Variants in NLRP1 observed in about 807,000 individuals in gnomAD.
NLRP1 encodes the protein NLR family pyrin domain containing 1, also known as NACHT, LRR and PYD domains-containing protein 1.
A neutral mutation model predicts 136.7 loss-of-function variants in NLRP1; 94 were observed. The observed-to-expected ratio is 0.69, with a 90% CI of 0.58 to 0.82. The LOEUF (loss-of-function observed/expected upper bound fraction) is 0.82, where lower values mean the gene tolerates loss of function less well. NLRP1 is among the 40% of genes least tolerant of loss of function. The pLI is 0.00. For synonymous variants in NLRP1, 690 were observed against 725.1 expected (o/e 0.95, Z 0.78); for missense variants, 1,575 against 1,802.7 (o/e 0.87, Z 2.29).
chr17:5,543,064 A>G (rs1263382141), intron 5 of NLRP1, among the ~76,000 whole-genome samples: 1 of 152,178 alleles, frequency 6.6e-6, no homozygotes, highest in Non-Finnish European at 1.5e-5. Context: ...CCCTGACCTC[A>G]GGTGATCCAC....
At chr17:5,574,423 C>A (rs532179366) in intron 3 of NLRP1, among the ~76,000 whole-genome samples, 1 of 152,136 alleles carries the variant, frequency 6.6e-6, no homozygotes, top group African/African-American at 2.4e-5. Context: ...CCTAGCAAGG[C>A]AGGCCAACAT....
At chr17:5,580,159 C>T (rs191940963) in intron 3 of NLRP1, among the ~76,000 whole-genome samples, 171 of 152,074 alleles carry the variant, frequency 1.1e-3, no homozygotes, top group Non-Finnish European at 1.4e-3. Context: ...GGCGTGAACC[C>T]GGGAGGCAGA....
intron 5 of NLRP1, among the ~76,000 whole-genome samples, chr17:5,543,129 C>T (rs137978147): frequency 1.4e-3 from 219 of 152,198 alleles, no homozygotes; most frequent in African/African-American, 5.0e-3. Flanking sequence ...CGTGCCCAGC[C>T]CCATTTTCAT....
intron 3 of NLRP1, among the ~76,000 whole-genome samples, chr17:5,580,797 TTA>T (rs1905553612): frequency 6.6e-6 from 1 of 152,196 alleles, no homozygotes. Flanking sequence ...TGAGAAAAAG[TTA>T]TCTTTGTGAT....
chr17:5,533,543 G>A (rs1240991275), intron 9 of NLRP1, among the ~76,000 whole-genome samples, 159 bp from the exon 10 acceptor site: 7 of 138,802 alleles, frequency 5.0e-5, no homozygotes, highest in Non-Finnish European at 7.9e-5. Context: ...ACACTAGAGT[G>A]AGACTCTGTT....
At chr17:5,556,111 T>A (rs1396264800) in intron 4 of NLRP1, among the ~76,000 whole-genome samples, 43 of 131,440 alleles carry the variant, frequency 3.3e-4, no homozygotes, top group African/African-American at 1.2e-3. Flanking sequence ...TCTGTCTCTC[T>A]CTCTACACAC....
intron 3 of NLRP1, among the ~76,000 whole-genome samples, chr17:5,568,062 G>A (rs928897449): frequency 1.3e-5 from 2 of 151,982 alleles, no homozygotes; most frequent in Admixed American, 6.5e-5. Flanking sequence ...AAATCTACTC[G>A]GTGTTCTAAA....
intron 12 of NLRP1, among the ~76,000 whole-genome samples, chr17:5,526,925 A>ACC (rs1305401765): frequency 2.0e-5 from 3 of 152,086 alleles, no homozygotes; most frequent in African/African-American, 7.2e-5. Context: ...ATGACTCATC[A>ACC]CCCGTTCAGC....
intron 3 of NLRP1, among the ~76,000 whole-genome samples, chr17:5,579,860 T>C (rs1265899112): frequency 6.6e-6 from 1 of 152,078 alleles, no homozygotes; most frequent in Non-Finnish European, 1.5e-5. Flanking sequence ...GAGGTAAACA[T>C]TGCGTACACA....
chr17:5,547,134 ATACACATCATACATGAACCTAAG>A (rs1912760396), intron 5 of NLRP1, among the ~76,000 whole-genome samples: 1 of 152,162 alleles, frequency 6.6e-6, no homozygotes, highest in East Asian at 1.9e-4. Context: ...ATGACCCTAA[ATACACATCATACATGAACCTAAG>A]TACATAGCAT....
downstream of NLRP1, among the ~76,000 whole-genome samples, chr17:5,510,360 A>C (rs188771001): frequency 6.6e-6 from 1 of 151,948 alleles, no homozygotes; most frequent in East Asian, 1.9e-4. Flanking sequence ...CTAATTAAAA[A>C]AACTGGTTTT....
intron 14 of NLRP1, 105 bp from the exon 15 acceptor site, chr17:5,517,992 A>C: frequency 9.5e-7 from 1 of 1,047,918 alleles, no homozygotes; most frequent in Non-Finnish European, 1.4e-6. Context: ...GGACACTCTG[A>C]TGATCCCTGT....
intron 3 of NLRP1, among the ~76,000 whole-genome samples, chr17:5,577,016 T>C (rs1357544258): frequency 6.6e-6 from 1 of 152,092 alleles, no homozygotes. Flanking sequence ...AAAAACCACA[T>C]GATTATCTCA....
intron 5 of NLRP1, 95 bp from the exon 6 acceptor site, chr17:5,542,122 C>T: frequency 7.8e-7 from 1 of 1,274,454 alleles, no homozygotes. Flanking sequence ...ATGCACCAGG[C>T]CTGTGGGCCA....
At position 5,559,269 on chromosome 17, in the gene NLRP1, A is replaced by AC; in HGVS notation, c.1426dup (p.Val476GlyfsTer8). The AC allele has an allele frequency of 6.2e-7, 1 of 1,614,126 alleles. No homozygotes were observed. The highest frequency in any genetic ancestry group is 8.5e-7 in the Non-Finnish European group (1 of 1,180,004). ...GGACTCAGAGAACCCCAGGACCTCT[A>AC]CCCAACGTGCCTGCTCCAAAGAAGG... On this transcript the variant is annotated frameshift_variant, in exon 4 of 17. Transcript: ENST00000572272. LOFTEE classifies it high-confidence loss of function.
chr17:5,572,773 C>T (rs1386766377), intron 3 of NLRP1, among the ~76,000 whole-genome samples: 1 of 150,078 alleles, frequency 6.7e-6, no homozygotes, highest in East Asian at 1.9e-4. Context: ...AAGACATACA[C>T]ATGGCCAACA....
Position 5,514,609 on chromosome 17 carries a change from G to C in NLRP1, c.*145C>G. On this transcript the variant is annotated 3_prime_UTR_variant, in exon 17 of 17. Coordinates refer to ENST00000572272, the MANE Select transcript of NLRP1 (RefSeq NM_033004.4). The stretch of plus-strand genomic sequence containing the variant: ...GGCATCCCTGGCATGGACACATAAT[G>C]CCCAGCAAAGGCATCATCAAAGTTC... 7 of 1,465,732 alleles carry C rather than the reference G, an allele frequency of 4.8e-6. No homozygotes were observed. Among genetic ancestry groups the C allele is most frequent in the Non-Finnish European group, 6.3e-6 (7 of 1,108,638 alleles). The allele number at this position is 1,465,732 out of a possible 1,614,324, so 90.8% of individuals were successfully genotyped here.
At chr17:5,531,164 AATCTATCTAATCTATCT>A (rs991494752) in intron 11 of NLRP1, among the ~76,000 whole-genome samples, 10 of 138,442 alleles carry the variant, frequency 7.2e-5, no homozygotes, top group Middle Eastern at 3.8e-3. Context: ...CTATCTATCT[AATCTATCTAATCTATCT>A]ATCTATCTAT....
chr17:5,564,652 T>C (rs1482035741), intron 3 of NLRP1, among the ~76,000 whole-genome samples: 2 of 152,004 alleles, frequency 1.3e-5, no homozygotes, highest in Non-Finnish European at 2.9e-5. Flanking sequence ...GCCACAAACA[T>C]AGAAGTGCAT....
Sources: gnomAD v4.1 joint callset for allele counts (sites outside exome capture counted in the v4.1 genomes callset) on GRCh38, gnomAD v4.1.1 for gene constraint, MANE v1.5 for transcripts, NCBI Gene and HGNC (gene_info 2026-07-23, HGNC 2026-07-21) for gene names.